EHBP1: variants seen among roughly 807,000 people sequenced by gnomAD.
EHBP1 encodes the protein EH domain binding protein 1, also known as EH domain-binding protein 1.
Under a neutral mutation model 144.0 loss-of-function variants are expected in EHBP1, and 55 were observed. The observed-to-expected ratio is 0.38, with a 90% CI of 0.31 to 0.48. The LOEUF is 0.48. Ranked by LOEUF, EHBP1 falls within the 20% of genes least tolerant of loss-of-function variation. The pLI is 0.98. For missense variants in EHBP1, 1,200 were observed against 1,364.2 expected (o/e 0.88, Z 1.90); for synonymous variants, 469 against 472.7 (o/e 0.99, Z 0.10).
intron 2 of EHBP1, among the ~76,000 whole-genome samples, chr2:62,739,504 G>C (rs2038482540): frequency 6.6e-6 from 1 of 151,832 alleles, no homozygotes; most frequent in African/African-American, 2.4e-5. Flanking sequence ...GAAGAAAAGA[G>C]TAAATAATAT....
chr2:62,856,908 C>A (rs1286115304), intron 7 of EHBP1, among the ~76,000 whole-genome samples: 1 of 152,050 alleles, frequency 6.6e-6, no homozygotes, highest in Non-Finnish European at 1.5e-5. Context: ...ATATAATTAC[C>A]AGGGTGGTTA....
intron 10 of EHBP1, among the ~76,000 whole-genome samples, chr2:62,917,300 A>G (rs1024090378): frequency 3.3e-5 from 5 of 152,212 alleles, no homozygotes; most frequent in Non-Finnish European, 7.3e-5. Flanking sequence ...CTCAAAAATG[A>G]ATGAATAAAT....
chr2:62,839,957 A>G (rs1253924167), intron 7 of EHBP1, among the ~76,000 whole-genome samples: 1 of 152,202 alleles, frequency 6.6e-6, no homozygotes, highest in Non-Finnish European at 1.5e-5. Flanking sequence ...CAAGGTACCA[A>G]TGACTTTCTT....
chr2:63,045,310 C>T lies in EHBP1; in HGVS notation c.3393-100C>T. ...CCACTGGCCTGGTGCTCCCCATTCCCGCTGGGGATCCAAATACTGGGCGAC... is the reference window on the plus strand; with the variant it reads ...CCACTGGCCTGGTGCTCCCCATTCCTGCTGGGGATCCAAATACTGGGCGAC... On this transcript the variant is annotated intron_variant, in intron 22 of 22. Coordinates refer to ENST00000431489, the MANE Select transcript of EHBP1 (RefSeq NM_001142616.3). The surrounding 1 kb of genome is among the most constrained non-coding windows in gnomAD (Gnocchi z 5.7). 2.2e-6 allele frequency: 3 copies of T among 1,371,986 alleles called. No individual in the cohort carries two copies. Among genetic ancestry groups the T allele is most frequent in the African/African-American group, 1.4e-5 (1 of 70,084 alleles). The allele number at this position is 1,371,986 out of a possible 1,614,324, so 85.0% of individuals were successfully genotyped here.
intron 19 of EHBP1, 23 bp downstream of exon 19, chr2:62,996,789 A>G (rs751532844): frequency 6.9e-6 from 11 of 1,604,740 alleles, no homozygotes; most frequent in Non-Finnish European, 8.5e-7. Context: ...ATTACACTGT[A>G]AACAGTTTTG....
At chr2:62,875,171 C>T (rs923437410) in intron 10 of EHBP1, among the ~76,000 whole-genome samples, 1 of 152,226 alleles carries the variant, frequency 6.6e-6, no homozygotes, top group African/African-American at 2.4e-5. Context: ...GTCCCCACTG[C>T]CCCATCAGTA....
At chr2:63,040,362 C>T (rs575580956) in intron 21 of EHBP1, among the ~76,000 whole-genome samples, 1 of 152,064 alleles carries the variant, frequency 6.6e-6, no homozygotes, top group African/African-American at 2.4e-5. Flanking sequence ...TTGGTTCTAA[C>T]CCCAAAACCA....
intron 10 of EHBP1, chr2:62,940,017 A>G: frequency 2.9e-6 from 1 of 343,850 alleles, no homozygotes; most frequent in Non-Finnish European, 5.7e-6. Context: ...CTGCAGTATA[A>G]AAATCCCTGA....
intron 3 of EHBP1, among the ~76,000 whole-genome samples, chr2:62,760,164 A>C (rs73934284): frequency 6.6e-6 from 1 of 152,196 alleles, no homozygotes; most frequent in African/African-American, 2.4e-5. Context: ...AAAAATCTGC[A>C]TGTAAGTGGA....
intron 10 of EHBP1, among the ~76,000 whole-genome samples, chr2:62,941,159 A>G (rs765987188): frequency 2.6e-5 from 4 of 152,172 alleles, no homozygotes; most frequent in East Asian, 1.9e-4. Flanking sequence ...ATGCCTACCT[A>G]GTTCAGTGCT....
chr2:62,836,030 C>T (rs1333851656), intron 7 of EHBP1, among the ~76,000 whole-genome samples: 2 of 151,954 alleles, frequency 1.3e-5, no homozygotes, highest in African/African-American at 4.8e-5. Context: ...GGCTCCACCT[C>T]TGGGGGCAGG....
chr2:62,695,668 C>T lies in EHBP1; in HGVS notation c.-295-11229C>T, dbSNP rs149231750. 8.4e-3 allele frequency among the ~76,000 whole-genome samples: 1,273 copies of T among 152,276 alleles called. 10 individuals carry two copies. Among genetic ancestry groups the T allele is most frequent in the Middle Eastern group, 0.014 (4 of 294 alleles). ...AAAGATTATGGAATGATGGCTTATA[C>T]AATATCTTCGATCTAAAACTACAAT... On this transcript the variant is annotated intron_variant, in intron 1 of 22. Transcript: ENST00000405015.
intron 5 of EHBP1, among the ~76,000 whole-genome samples, chr2:62,814,000 C>G (rs767673203): frequency 1.3e-5 from 2 of 152,090 alleles, no homozygotes; most frequent in African/African-American, 4.8e-5. Flanking sequence ...AGTGCTGGAA[C>G]CGGTTAAGAC....
rs529052334 is a variant in EHBP1 at position 62,826,176 on chromosome 2, C to G, written c.402C>G (p.Val134=). ...GCCCTATGCCAACTCAGACTGATGTCAAGTTAAAATTCAAGCCATTATCTA... is the reference window on the plus strand; with the variant it reads ...GCCCTATGCCAACTCAGACTGATGTGAAGTTAAAATTCAAGCCATTATCTA... ...YASPMPTQTD[V]KLKFKPLSKK... is the part of the protein sequence containing the mutation. Residue 134 remains valine (V), a synonymous_variant, in exon 6 of 23, where the codon GTC becomes GTG. Transcript: ENST00000431489. 1 of 1,611,466 alleles carries G rather than the reference C, an allele frequency of 6.2e-7. No homozygotes were observed. Among genetic ancestry groups the G allele is most frequent in the South Asian group, 1.1e-5 (1 of 90,682 alleles).
At chr2:62,973,460 G>C (rs1404910370) in intron 14 of EHBP1, among the ~76,000 whole-genome samples, 1 of 152,242 alleles carries the variant, frequency 6.6e-6, no homozygotes, top group Non-Finnish European at 1.5e-5. Context: ...GTGGTTAAGA[G>C]CAAGGGCTCT....
At chr2:62,874,212 C>A in intron 9 of EHBP1, 134 bp from the exon 10 acceptor site, 1 of 590,080 alleles carries the variant, frequency 1.7e-6, no homozygotes, top group Non-Finnish European at 2.8e-6. Context: ...TCATTATTTC[C>A]AAATTCCAGG....
chr2:62,770,250 A>G (rs566984274), intron 4 of EHBP1, among the ~76,000 whole-genome samples: 1 of 152,344 alleles, frequency 6.6e-6, no homozygotes, highest in East Asian at 1.9e-4. Context: ...ATGGGAGAAA[A>G]TATTTGCAAA....
rs936535880 is a variant in EHBP1, at chr2:62,894,180, G to C, written c.1185+19648G>C. ...GTCCTGCAAACTAGGAGTTGAGAGG[G>C]ACATGACTAAGACAAAGCCTTTGTC... On this transcript the variant is annotated intron_variant, in intron 10 of 22. Coordinates refer to ENST00000431489, the MANE Select transcript of EHBP1 (RefSeq NM_001142616.3). Among the ~76,000 whole-genome samples, 5 of 152,242 alleles carry C rather than the reference G, an allele frequency of 3.3e-5. No individual in the cohort carries two copies. In the South Asian group the frequency reaches 1.0e-3, roughly 32 times the overall value.
At chr2:62,840,680 G>C (rs529902398) in intron 7 of EHBP1, among the ~76,000 whole-genome samples, 1,933 of 151,306 alleles carry the variant, frequency 0.013, 32 homozygotes, top group Non-Finnish European at 0.018. Context: ...GTGGGCGAAG[G>C]ACATGAACAG....
Sources: gnomAD v4.1 joint callset for allele counts (sites outside exome capture counted in the v4.1 genomes callset) on GRCh38, gnomAD v4.1.1 for gene constraint, Gnocchi (gnomAD v3.1) non-coding constraint, MANE v1.5 for transcripts, NCBI Gene and HGNC (gene_info 2026-07-23, HGNC 2026-07-21) for gene names.